The following TAF4B variants were observed in gnomAD, a reference collection of about 807,000 sequenced individuals.
The protein encoded by TAF4B is TATA-box binding protein associated factor 4b, also known as transcription initiation factor TFIID subunit 4B.
Under a neutral mutation model 86.4 loss-of-function variants are expected in TAF4B, and 38 were observed. That is an observed-to-expected ratio of 0.44 (90% CI 0.34 to 0.58). The LOEUF (loss-of-function observed/expected upper bound fraction) is 0.58. Ranked by LOEUF, TAF4B falls within the 20% of genes least tolerant of loss-of-function variation. The probability of loss-of-function intolerance (pLI) is 0.02; values close to 1 mark genes in which losing one functional copy is unlikely to be tolerated. For missense variants in TAF4B, 988 were observed against 1,027.6 expected (o/e 0.96, Z 0.53); for synonymous variants, 388 against 391.2 (o/e 0.99, Z 0.10).
At chr18:26,285,219 TTTG>T (rs1159538468) in intron 6 of TAF4B, among the ~76,000 whole-genome samples, 17 of 100,208 alleles carry the variant, frequency 1.7e-4, no homozygotes, top group South Asian at 1.6e-3. Context: ...CCTTTTTTTT[TTTG>T]TTTTTTTTTT....
At chr18:26,284,607 G>C (rs959472290) in intron 6 of TAF4B, among the ~76,000 whole-genome samples, 1 of 152,230 alleles carries the variant, frequency 6.6e-6, no homozygotes, top group Non-Finnish European at 1.5e-5. Context: ...GCTGGGCGTG[G>C]TGGCTCACGC....
chr18:26,349,084 CAA>C (rs769808047), intron 13 of TAF4B: 4 of 152,096 alleles, frequency 2.6e-5, no homozygotes, highest in Non-Finnish European at 4.4e-5. Flanking sequence ...TGTTTAATAA[CAA>C]AGGATTTTTT....
At chr18:26,241,181 C>G (rs1238326966) in intron 1 of TAF4B, among the ~76,000 whole-genome samples, 1 of 152,144 alleles carries the variant, frequency 6.6e-6, no homozygotes, top group African/African-American at 2.4e-5. Flanking sequence ...ATTTGTACCT[C>G]TGGTAGAATT....
At chr18:26,273,007 G>GT (rs1455088738) in intron 3 of TAF4B, among the ~76,000 whole-genome samples, 3 of 152,076 alleles carry the variant, frequency 2.0e-5, no homozygotes, top group African/African-American at 7.2e-5. Flanking sequence ...TCTTATTAAA[G>GT]TTTTTGCCAG....
intron 3 of TAF4B, among the ~76,000 whole-genome samples, chr18:26,271,926 CAAAA>C (rs543780780): frequency 3.1e-5 from 2 of 65,532 alleles, no homozygotes. Flanking sequence ...GACTCCGTCT[CAAAA>C]AAAAAAAAAA....
At chr18:26,334,677 A>G (rs1312666435) in intron 12 of TAF4B, among the ~76,000 whole-genome samples, 3 of 152,134 alleles carry the variant, frequency 2.0e-5, no homozygotes, top group Non-Finnish European at 2.9e-5. Flanking sequence ...ACTGAGATGT[A>G]TTTTCTACTT....
At chr18:26,258,188 AG>A (rs1308231139) in intron 1 of TAF4B, among the ~76,000 whole-genome samples, 1 of 150,590 alleles carries the variant, frequency 6.6e-6, no homozygotes, top group African/African-American at 2.5e-5. Flanking sequence ...AAGGAGTCGG[AG>A]GTTGCAGTGA....
chr18:26,349,560 A>G (rs1197651060), intron 13 of TAF4B, among the ~76,000 whole-genome samples: 2 of 152,220 alleles, frequency 1.3e-5, no homozygotes, highest in African/African-American at 2.4e-5. Context: ...AAGAAGATAC[A>G]AGCAAATGTA....
intron 7 of TAF4B, among the ~76,000 whole-genome samples, chr18:26,287,988 G>A (rs968311501): frequency 2.0e-5 from 3 of 152,154 alleles, no homozygotes; most frequent in South Asian, 2.1e-4. Flanking sequence ...TCTTGGGTAC[G>A]TGAATTTAAT....
chr18:26,261,765 T>G (rs921099730), intron 1 of TAF4B, among the ~76,000 whole-genome samples: 1 of 152,208 alleles, frequency 6.6e-6, no homozygotes, highest in Non-Finnish European at 1.5e-5. Flanking sequence ...TTGGTTTTCT[T>G]TGGTAAACTA....
chr18:26,297,412 A>G (rs559012834), intron 9 of TAF4B, among the ~76,000 whole-genome samples: 2 of 152,326 alleles, frequency 1.3e-5, no homozygotes, highest in East Asian at 1.9e-4. Flanking sequence ...CTCAGCAGTT[A>G]TAGATTAAAC....
At chr18:26,266,337 C>G (rs1003206330) in intron 2 of TAF4B, 21 of 151,726 alleles carry the variant, frequency 1.4e-4, no homozygotes, top group African/African-American at 4.8e-4. Context: ...GTCTCGAACT[C>G]TTGACCTCAG....
At chr18:26,338,477 T>TTTTC (rs2057110765) in intron 13 of TAF4B, among the ~76,000 whole-genome samples, 2 of 139,516 alleles carry the variant, frequency 1.4e-5, no homozygotes, top group African/African-American at 5.3e-5. Context: ...AGAATTTTTT[T>TTTTC]TTTTTTTTTT....
At chr18:26,280,802 T>C (rs2056439050) in intron 5 of TAF4B, among the ~76,000 whole-genome samples, 1 of 152,186 alleles carries the variant, frequency 6.6e-6, no homozygotes, top group African/African-American at 2.4e-5. Flanking sequence ...TTACTGGGTA[T>C]ATATCCAAGA....
intron 1 of TAF4B, among the ~76,000 whole-genome samples, chr18:26,228,781 A>G (rs373497424): frequency 2.0e-5 from 3 of 151,716 alleles, no homozygotes; most frequent in Non-Finnish European, 4.4e-5. Flanking sequence ...TCCCTCCCCA[A>G]CCCCCCAAAG....
intron 13 of TAF4B, chr18:26,349,111 A>G (rs2057223603): frequency 6.6e-6 from 1 of 152,198 alleles, no homozygotes; most frequent in Non-Finnish European, 1.5e-5. Context: ...AATAAATTCA[A>G]CTTTAATTTT....
intron 2 of TAF4B, 126 bp downstream of exon 2, chr18:26,265,441 G>C: frequency 1.8e-6 from 2 of 1,131,894 alleles, no homozygotes; most frequent in South Asian, 2.3e-5. Flanking sequence ...TTTTAGGTCA[G>C]CTTGCCTTGA....
At chr18:26,303,860 G>C (rs1406926682) in intron 9 of TAF4B, among the ~76,000 whole-genome samples, 1 of 152,066 alleles carries the variant, frequency 6.6e-6, no homozygotes, top group African/African-American at 2.4e-5. Context: ...ATCCTTCTAT[G>C]AACATGATTT....
chr18:26,289,125 A>G (rs1191184179), intron 7 of TAF4B, among the ~76,000 whole-genome samples: 2 of 152,112 alleles, frequency 1.3e-5, no homozygotes, highest in Admixed American at 1.3e-4. Flanking sequence ...CATAGAGAAG[A>G]TTGAACTAGG....
Sources: allele counts gnomAD v4.1 joint callset (sites outside exome capture counted in the v4.1 genomes callset), GRCh38; gene constraint gnomAD v4.1.1; transcripts MANE v1.5; gene names NCBI Gene and HGNC (gene_info 2026-07-23, HGNC 2026-07-21).